TBCD: variants seen among roughly 807,000 people sequenced by gnomAD.
TBCD encodes tubulin-specific chaperone D.
A neutral mutation model predicts 169.3 loss-of-function variants in TBCD; 105 were observed. That is an observed-to-expected ratio of 0.62 (90% confidence interval 0.53 to 0.73). The LOEUF is 0.73. Among genes scored for constraint, TBCD ranks in the 30% least tolerant of loss-of-function variants. The pLI is 0.00. For synonymous variants in TBCD, 700 were observed against 643.9 expected, an observed-to-expected ratio of 1.09 and a Z score of -1.32; for missense variants, 1,444 against 1,600.1, an observed-to-expected ratio of 0.90 and a Z score of 1.66.
At chr17:82,865,306 G>T (rs988720947) in intron 13 of TBCD, among the ~76,000 whole-genome samples, 1 of 152,222 alleles carries the variant, frequency 6.6e-6, no homozygotes, top group African/African-American at 2.4e-5. Flanking sequence ...CTGCAGGGAC[G>T]GCCACGCGGC....
rs758999190 is a variant in TBCD, at chr17:82,831,720, G to A, written c.1318+16786G>A. The A allele has an allele frequency of 2.5e-6, 4 of 1,614,196 alleles. No individual in the cohort carries two copies. The highest frequency in any genetic ancestry group is 2.7e-5 in the African/African-American group (2 of 75,032). On this transcript the variant is annotated intron_variant, in intron 13 of 38. Transcript: ENST00000355528. The surrounding 1 kb of genome is among the most constrained non-coding windows in gnomAD (Gnocchi z 4.6). ...TGGCCAGCCCGTGCTCTGTGTAAAAGTGAGGCGGGTACTCTGGGATTGTGG... is the reference window on the plus strand; with the variant it reads ...TGGCCAGCCCGTGCTCTGTGTAAAAATGAGGCGGGTACTCTGGGATTGTGG...
chr17:82,887,168 T>TGTGCGCGCGCGC, intron 15 of TBCD, among the ~76,000 whole-genome samples: 74 of 126,188 alleles, frequency 5.9e-4, no homozygotes, highest in South Asian at 2.4e-3. Context: ...TGTGTGTGTG[T>TGTGCGCGCGCGC]GCGCGCGCGC....
At chr17:82,830,503 AGGCTGCCTGGCTTGGTCTCAG>A in intron 13 of TBCD, 1 of 1,613,446 alleles carries the variant, frequency 6.2e-7, no homozygotes, top group Non-Finnish European at 8.5e-7. Flanking sequence ...GTCACCGTCG[AGGCTGCCTGGCTTGGTCTCAG>A]GGTGGCTGGG....
chr17:82,830,232 A>T, intron 13 of TBCD: 2 of 1,614,220 alleles, frequency 1.2e-6, no homozygotes, highest in Non-Finnish European at 1.7e-6. Flanking sequence ...ATTTTCCAGC[A>T]TCCCTTAGAC....
chr17:82,801,687 GGCGGCGTGTGCGTTGT>G (rs869029005), intron 9 of TBCD, among the ~76,000 whole-genome samples: 2 of 134,434 alleles, frequency 1.5e-5, no homozygotes, highest in African/African-American at 5.9e-5. Flanking sequence ...GTGGCAGGAG[GGCGGCGTGTGCGTTGT>G]GTGGCTCGGA....
chr17:82,752,497 T>A, intron 1 of TBCD, 120 bp downstream of exon 1: 1 of 811,676 alleles, frequency 1.2e-6, no homozygotes, highest in Non-Finnish European at 1.5e-6. Context: ...GGGCTGCCGG[T>A]GCGCGGTCCC....
At chr17:82,829,464 C>T (rs967338492) in intron 13 of TBCD, 1 of 153,342 alleles carries the variant, frequency 6.5e-6, no homozygotes, top group African/African-American at 2.4e-5. Flanking sequence ...TGTTTATTTG[C>T]ATTTTATGTT....
At chr17:82,841,653 T>C (rs779934293) in intron 13 of TBCD, among the ~76,000 whole-genome samples, 54 of 152,242 alleles carry the variant, frequency 3.5e-4, no homozygotes, top group Non-Finnish European at 6.6e-4. Flanking sequence ...TACCTATTCC[T>C]GGATAGCAAA....
chr17:82,866,797 T>A (rs747970704), intron 13 of TBCD, among the ~76,000 whole-genome samples: 1 of 152,226 alleles, frequency 6.6e-6, no homozygotes, highest in Non-Finnish European at 1.5e-5. Context: ...AGCCCCTCTG[T>A]GGCTCTGTCC....
At chr17:82,933,636 GAGATGGAGTCT>G (rs1481952673) in intron 34 of TBCD, among the ~76,000 whole-genome samples, 4 of 151,700 alleles carry the variant, frequency 2.6e-5, no homozygotes, top group Admixed American at 2.6e-4. Flanking sequence ...TGTTTGTTTT[GAGATGGAGTCT>G]TGCTCTGTTG....
intron 6 of TBCD, among the ~76,000 whole-genome samples, chr17:82,773,045 GA>G (rs1354272665): frequency 2.6e-5 from 4 of 152,352 alleles, no homozygotes; most frequent in African/African-American, 9.6e-5. Context: ...TGAGATGCAA[GA>G]AGGAAGAAAG....
intron 34 of TBCD, among the ~76,000 whole-genome samples, chr17:82,934,987 C>T (rs1208482369): frequency 6.6e-6 from 1 of 152,068 alleles, no homozygotes; most frequent in Non-Finnish European, 1.5e-5. Context: ...CGGCTTGGGC[C>T]TGGGAGGCGA....
At chr17:82,868,064 A>C (rs4986083) in intron 13 of TBCD, among the ~76,000 whole-genome samples, 1 of 152,234 alleles carries the variant, frequency 6.6e-6, no homozygotes, top group East Asian at 1.9e-4. Context: ...GTGAGAGCTG[A>C]TGGTGGTCTG....
In TBCD at chr17:82,832,152, C is replaced by T; in HGVS notation, c.1318+17218C>T. ...CTTCCCTGGCAGAGCTGTGCTGAAG[C>T]TTCGAGTCGAAGGCAGAGAGTCCAT... On this transcript the variant is annotated intron_variant, in intron 13 of 38. Transcript: ENST00000355528. This position sits in a 1 kb window ranked among gnomAD's most constrained non-coding sequence, Gnocchi z 4.9. 5.0e-6 allele frequency: 8 copies of T among 1,614,214 alleles called. No homozygotes were observed. The highest frequency in any genetic ancestry group is 6.8e-6 in the Non-Finnish European group (8 of 1,180,044).
intron 27 of TBCD, among the ~76,000 whole-genome samples, chr17:82,925,688 C>T (rs1214707306): frequency 6.6e-6 from 1 of 152,206 alleles, no homozygotes; most frequent in Non-Finnish European, 1.5e-5. Flanking sequence ...GCGGGTGGGC[C>T]TCGCAGCCGC....
chr17:82,910,261 C>T (rs1285051780), intron 22 of TBCD, among the ~76,000 whole-genome samples: 6 of 152,218 alleles, frequency 3.9e-5, no homozygotes, highest in Admixed American at 1.3e-4. Context: ...ACAAGTGACC[C>T]CTTGGTGTGG....
chr17:82,849,792 C>G (rs114832839), intron 13 of TBCD, among the ~76,000 whole-genome samples: 2,498 of 152,344 alleles, frequency 0.016, 83 homozygotes, highest in African/African-American at 0.057. Flanking sequence ...GCTGGAACCC[C>G]CTTCCCTGGT....
intron 7 of TBCD, among the ~76,000 whole-genome samples, chr17:82,788,002 C>T (rs1299785425): frequency 1.3e-5 from 2 of 152,084 alleles, no homozygotes; most frequent in African/African-American, 2.4e-5. Flanking sequence ...TTTGGGAGGC[C>T]GAGGCAGGTG....
chr17:82,937,607 C>T (rs12051851), intron 35 of TBCD: 5 of 602,886 alleles, frequency 8.3e-6, no homozygotes, highest in Non-Finnish European at 1.5e-5. Flanking sequence ...TCTGCCCTGG[C>T]GGGAGGGGAG....
Sources: allele counts gnomAD v4.1 joint callset (sites outside exome capture counted in the v4.1 genomes callset), GRCh38; gene constraint gnomAD v4.1.1; non-coding constraint Gnocchi (gnomAD v3.1); transcripts MANE v1.5; gene names NCBI Gene and HGNC (gene_info 2026-07-23, HGNC 2026-07-21).